SLC24A2: variants seen among roughly 807,000 people sequenced by gnomAD.
SLC24A2 encodes the protein sodium/potassium/calcium exchanger 2.
In SLC24A2, 36 loss-of-function variants were observed where a neutral mutation model predicts 62.0. The observed-to-expected ratio is 0.58, with a 90% CI of 0.44 to 0.77. The LOEUF is 0.77. SLC24A2 is among the 30% of genes least tolerant of loss of function. SLC24A2 has a pLI of 0.00. For synonymous variants in SLC24A2, 358 were observed against 294.0 expected (o/e 1.22, Z -2.23); for missense variants, 846 against 817.9 (o/e 1.03, Z -0.42).
chr9:20,299,275 G>T, the SLC24A2 span, among the ~76,000 whole-genome samples: 1 of 152,174 alleles, frequency 6.6e-6, no homozygotes, highest in South Asian at 2.1e-4. Context: ...GGATTCAAAG[G>T]TTCCATGTAT....
At chr9:20,039,053 CTTAAA>C in the SLC24A2 span, among the ~76,000 whole-genome samples, 1 of 151,870 alleles carries the variant, frequency 6.6e-6, no homozygotes, top group Admixed American at 6.6e-5. Flanking sequence ...GATGTTAAAA[CTTAAA>C]TTAAAAAGGT....
chr9:20,209,794 T>C, the SLC24A2 span, among the ~76,000 whole-genome samples: 5 of 152,272 alleles, frequency 3.3e-5, no homozygotes, highest in East Asian at 5.8e-4. Flanking sequence ...TAATCCACAG[T>C]GGAACAGGAA....
the SLC24A2 span, among the ~76,000 whole-genome samples, chr9:20,007,204 G>T: frequency 6.6e-6 from 1 of 152,136 alleles, no homozygotes; most frequent in Non-Finnish European, 1.5e-5. Flanking sequence ...TTTGACTGTT[G>T]AAAATCAGAC....
chr9:19,973,565 A>C, the SLC24A2 span, among the ~76,000 whole-genome samples: 2 of 152,208 alleles, frequency 1.3e-5, no homozygotes, highest in Non-Finnish European at 2.9e-5. Context: ...CTTGCTATGT[A>C]ATCTTGGCAT....
chr9:19,994,594 A>G, the SLC24A2 span, among the ~76,000 whole-genome samples: 4 of 152,008 alleles, frequency 2.6e-5, no homozygotes, highest in Non-Finnish European at 5.9e-5. Flanking sequence ...ATCACTTACC[A>G]CTCTCAGATT....
At chr9:19,987,990 A>T in the SLC24A2 span, among the ~76,000 whole-genome samples, 1 of 152,226 alleles carries the variant, frequency 6.6e-6, no homozygotes, top group African/African-American at 2.4e-5. Context: ...ACACTTTTGT[A>T]AAAGTATGCT....
At chr9:19,894,045 G>C in the SLC24A2 span, among the ~76,000 whole-genome samples, 1 of 152,226 alleles carries the variant, frequency 6.6e-6, no homozygotes, top group Non-Finnish European at 1.5e-5. Context: ...CCAGCTGCAA[G>C]AGAGACTGAT....
chr9:20,258,858 G>T, the SLC24A2 span, among the ~76,000 whole-genome samples: 2 of 96,200 alleles, frequency 2.1e-5, no homozygotes, highest in African/African-American at 4.0e-5. Context: ...TCTATCTAAT[G>T]TCTATCTATC....
At chr9:20,077,027 A>G in the SLC24A2 span, among the ~76,000 whole-genome samples, 1 of 151,518 alleles carries the variant, frequency 6.6e-6, no homozygotes, top group Admixed American at 6.6e-5. Flanking sequence ...CCTTCAGCTA[A>G]TGAAATAAAC....
At position 19,550,212 on chromosome 9, in the gene SLC24A2, G is replaced by C. The variant is rs58063275; in HGVS notation, c.1404C>G (p.Arg468=). The change falls in exon 8 of 11, where the codon CGC becomes CGG. Residue 468 remains arginine, a synonymous_variant. Coordinates refer to ENST00000341998, the MANE Select transcript of SLC24A2 (RefSeq NM_020344.4). The part of the protein sequence containing the change: ...PLSLAWPSET[R]KQVTFLIVFP... Reference sequence around the variant, plus strand: ...AAACAATCAGAAACGTGACTTGCTTGCGGGTTTCAGAAGGCCAGGCAAGGC... The same window carrying C: ...AAACAATCAGAAACGTGACTTGCTTCCGGGTTTCAGAAGGCCAGGCAAGGC... 3.7e-6 allele frequency: 6 copies of C among 1,613,944 alleles called. No individual in the cohort carries two copies. Among genetic ancestry groups the C allele is most frequent in the Admixed American group, 1.7e-5 (1 of 59,996 alleles).
the SLC24A2 span, among the ~76,000 whole-genome samples, chr9:19,802,966 C>T: frequency 6.6e-6 from 1 of 152,148 alleles, no homozygotes; most frequent in Non-Finnish European, 1.5e-5. Context: ...GCTTCTTTGC[C>T]TCTTCCACCA....
intron 4 of SLC24A2, among the ~76,000 whole-genome samples, chr9:19,613,002 C>T (rs562992398): frequency 6.6e-6 from 1 of 152,274 alleles, no homozygotes; most frequent in Admixed American, 6.5e-5. Flanking sequence ...GGGCAGGTCA[C>T]CAAGCTGCTC....
the SLC24A2 span, among the ~76,000 whole-genome samples, chr9:19,948,583 C>G: frequency 6.6e-6 from 1 of 152,116 alleles, no homozygotes; most frequent in Non-Finnish European, 1.5e-5. Flanking sequence ...ACGGGCCGGG[C>G]GCGGTGGCTC....
chr9:19,820,036 T>TAC, the SLC24A2 span, among the ~76,000 whole-genome samples: 16 of 35,706 alleles, frequency 4.5e-4, no homozygotes, highest in African/African-American at 8.1e-4. Flanking sequence ...CACATATATA[T>TAC]ATATACATAT....
chr9:19,905,709 T>A, the SLC24A2 span, among the ~76,000 whole-genome samples: 5 of 152,150 alleles, frequency 3.3e-5, no homozygotes, highest in Non-Finnish European at 7.4e-5. Flanking sequence ...TCCCACCTCT[T>A]TAGGGACCTC....
the SLC24A2 span, among the ~76,000 whole-genome samples, chr9:20,104,777 A>G: frequency 3.3e-5 from 5 of 152,366 alleles, no homozygotes; most frequent in South Asian, 4.1e-4. Context: ...AAGGCTAGGA[A>G]GAAACTGCAT....
At chr9:19,973,892 C>G in the SLC24A2 span, among the ~76,000 whole-genome samples, 1 of 152,100 alleles carries the variant, frequency 6.6e-6, no homozygotes, top group Non-Finnish European at 1.5e-5. Context: ...TAAAAATTGA[C>G]TAGCTAAATG....
chr9:20,132,211 T>C, the SLC24A2 span, among the ~76,000 whole-genome samples: 3 of 151,960 alleles, frequency 2.0e-5, no homozygotes, highest in Non-Finnish European at 4.4e-5. Flanking sequence ...TTAGAACAGT[T>C]ATTTGGGCTT....
At chr9:19,921,558 A>G in the SLC24A2 span, among the ~76,000 whole-genome samples, 3 of 151,518 alleles carry the variant, frequency 2.0e-5, no homozygotes, top group East Asian at 1.9e-4. Context: ...TTACCATGCC[A>G]TGTGCAATAT....
Sources: gnomAD v4.1 joint callset for allele counts (sites outside exome capture counted in the v4.1 genomes callset) on GRCh38, gnomAD v4.1.1 for gene constraint, MANE v1.5 for transcripts, NCBI Gene and HGNC (gene_info 2026-07-23, HGNC 2026-07-21) for gene names.